LRRC75A: variants seen among roughly 807,000 people sequenced by gnomAD.
LRRC75A encodes the protein leucine-rich repeat-containing protein 75A.
Under a neutral mutation model 26.0 loss-of-function variants are expected in LRRC75A, and 12 were observed. The ratio of observed to expected loss-of-function variants is 0.46; its 90% CI spans 0.30 to 0.75. LRRC75A has a LOEUF of 0.75. LRRC75A is among the 30% of genes least tolerant of loss of function. The pLI, the probability that LRRC75A is intolerant of heterozygous loss-of-function variation, is 0.08. For missense variants in LRRC75A, 410 were observed against 486.6 expected (o/e 0.84, Z 1.48); for synonymous variants, 223 against 219.3 (o/e 1.02, Z -0.15).
chr17:16,490,346 C>G (rs1218812860), intron 1 of LRRC75A, among the ~76,000 whole-genome samples: 1 of 152,204 alleles, frequency 6.6e-6, no homozygotes, highest in Non-Finnish European at 1.5e-5. Context: ...GGCCATATGT[C>G]AGCTTCCAAT....
At chr17:16,464,871 A>G in intron 1 of LRRC75A, among the ~76,000 whole-genome samples, 1 of 152,210 alleles carries the variant, frequency 6.6e-6, no homozygotes, top group East Asian at 1.9e-4. Context: ...AGGAAGGCCG[A>G]AAGTCAAAGG....
rs2093858601 is a variant in LRRC75A at position 16,491,980 on chromosome 17, C to G, written c.11G>C (p.Arg4Pro). 8.4e-7 allele frequency: 1 copy of G among 1,185,810 alleles called. No homozygotes were observed. The highest frequency in any genetic ancestry group is 1.0e-6 in the Non-Finnish European group (1 of 961,594). 73.5% of individuals were successfully genotyped at this position (1,185,810 alleles called of 1,614,324 possible). MGTRQTKGSLAERA... is the reference protein window; with the variant it reads MGTPQTKGSLAERA... ...CTCCGCCAGGCTGCCCTTGGTCTGC[C>G]GGGTGCCCATGCCGCCGCCGCCCGC... The change falls in exon 1 of 4, where the codon CGG (arginine) becomes CCG (proline). Residue 4 changes from arginine to proline, a missense_variant. Coordinates refer to ENST00000470794, the MANE Select transcript of LRRC75A (RefSeq NM_001113567.3). This position sits in a 1 kb window ranked among gnomAD's most constrained non-coding sequence, Gnocchi z 5.9.
At chr17:16,490,664 T>C (rs1177034569) in intron 1 of LRRC75A, among the ~76,000 whole-genome samples, 1 of 152,134 alleles carries the variant, frequency 6.6e-6, no homozygotes, top group Non-Finnish European at 1.5e-5. Context: ...GATTAGATTT[T>C]GGAAGCTCCT....
chr17:16,484,198 T>C (rs2093840998), intron 1 of LRRC75A, among the ~76,000 whole-genome samples: 1 of 152,014 alleles, frequency 6.6e-6, no homozygotes, highest in South Asian at 2.1e-4. Flanking sequence ...TAGCCAGGCA[T>C]GGTGGTGTGC....
intron 3 of LRRC75A, among the ~76,000 whole-genome samples, chr17:16,444,479 C>A (rs1246088054): frequency 1.3e-5 from 2 of 152,178 alleles, no homozygotes; most frequent in Non-Finnish European, 2.9e-5. Context: ...TAAACATTTG[C>A]TGCTGTATTC....
At chr17:16,451,936 G>A (rs894437105) in intron 2 of LRRC75A, among the ~76,000 whole-genome samples, 16 of 26,068 alleles carry the variant, frequency 6.1e-4, no homozygotes, top group African/African-American at 1.6e-3. Flanking sequence ...TAGTAGAGAC[G>A]GGGGGTCTCA....
intron 1 of LRRC75A, among the ~76,000 whole-genome samples, chr17:16,479,414 G>A (rs1179478156): frequency 6.6e-6 from 1 of 152,222 alleles, no homozygotes; most frequent in Non-Finnish European, 1.5e-5. Context: ...CTAAACTTCT[G>A]TGTGGTCTCA....
intron 2 of LRRC75A, among the ~76,000 whole-genome samples, chr17:16,450,285 G>T (rs2093620594): frequency 1.3e-5 from 2 of 152,232 alleles, no homozygotes; most frequent in African/African-American, 2.4e-5. Flanking sequence ...GAGGAAGGGG[G>T]ACAAGAGAGA....
intron 1 of LRRC75A, among the ~76,000 whole-genome samples, chr17:16,469,518 C>T (rs953981444): frequency 1.3e-5 from 2 of 152,190 alleles, no homozygotes; most frequent in Non-Finnish European, 2.9e-5. Flanking sequence ...CGTCTATCAG[C>T]GCATCCTTGT....
At chr17:16,452,978 G>GGGCA (rs748745378) in intron 2 of LRRC75A, among the ~76,000 whole-genome samples, 1 of 152,056 alleles carries the variant, frequency 6.6e-6, no homozygotes, top group Non-Finnish European at 1.5e-5. Flanking sequence ...CTCTCAGCCT[G>GGGCA]GGCAGCTGAG....
At chr17:16,479,243 T>C (rs1174912200) in intron 1 of LRRC75A, among the ~76,000 whole-genome samples, 1 of 152,194 alleles carries the variant, frequency 6.6e-6, no homozygotes, top group Non-Finnish European at 1.5e-5. Context: ...TCTAGAAGAT[T>C]CCCAATTGCT....
At chr17:16,473,034 A>G (rs2093811412) in intron 1 of LRRC75A, among the ~76,000 whole-genome samples, 1 of 152,292 alleles carries the variant, frequency 6.6e-6, no homozygotes, top group East Asian at 1.9e-4. Flanking sequence ...GAATAATGAA[A>G]TTGGTATGTT....
At chr17:16,456,448 G>A (rs181913516) in intron 2 of LRRC75A, among the ~76,000 whole-genome samples, 19 of 147,112 alleles carry the variant, frequency 1.3e-4, no homozygotes, top group Non-Finnish European at 2.4e-4. Context: ...AGAGGAGGAG[G>A]AAGAGGAAGA....
At chr17:16,480,720 G>A (rs544405040) in intron 1 of LRRC75A, among the ~76,000 whole-genome samples, 3 of 151,530 alleles carry the variant, frequency 2.0e-5, no homozygotes, top group South Asian at 4.2e-4. Context: ...CCTCTCCTGA[G>A]GCTGTCCCTC....
chr17:16,445,457 GC>G (rs1180415575), intron 3 of LRRC75A, among the ~76,000 whole-genome samples: 2 of 152,140 alleles, frequency 1.3e-5, no homozygotes, highest in African/African-American at 4.8e-5. Flanking sequence ...GAGCCACCGT[GC>G]CCGGCCCCAT....
intron 1 of LRRC75A, among the ~76,000 whole-genome samples, chr17:16,464,905 G>A (rs2093756260): frequency 6.6e-6 from 1 of 152,254 alleles, no homozygotes. Context: ...GGTCTCAGAG[G>A]GCCTGTGTGG....
intron 1 of LRRC75A, among the ~76,000 whole-genome samples, chr17:16,486,674 G>A (rs1386925914): frequency 6.6e-6 from 1 of 152,220 alleles, no homozygotes; most frequent in Non-Finnish European, 1.5e-5. Context: ...CCTGCCGGAT[G>A]GGATCCCGTA....
intron 2 of LRRC75A, among the ~76,000 whole-genome samples, chr17:16,452,133 C>T (rs2093636930): frequency 7.0e-6 from 1 of 143,424 alleles, no homozygotes. Flanking sequence ...AGGAGGATCA[C>T]TTGACCCCAG....
At chr17:16,481,712 C>A (rs529201564) in intron 1 of LRRC75A, among the ~76,000 whole-genome samples, 1 of 152,092 alleles carries the variant, frequency 6.6e-6, no homozygotes, top group African/African-American at 2.4e-5. Context: ...CCTCCCCGAG[C>A]CCTGTCTGTG....
Sources: allele counts gnomAD v4.1 joint callset (sites outside exome capture counted in the v4.1 genomes callset), GRCh38; gene constraint gnomAD v4.1.1; non-coding constraint Gnocchi (gnomAD v3.1); transcripts MANE v1.5; gene names NCBI Gene and HGNC (gene_info 2026-07-23, HGNC 2026-07-21).